The following EYS variants were observed in gnomAD, a reference collection of about 807,000 sequenced individuals.
EYS encodes the protein protein eyes shut homolog.
A neutral mutation model predicts 282.1 loss-of-function variants in EYS; 250 were observed. The ratio of observed to expected loss-of-function variants is 0.89; its 90% CI spans 0.80 to 0.98. EYS has a LOEUF of 0.98. Among genes scored for constraint, EYS ranks in the 50% least tolerant of loss-of-function variants. The pLI is 0.00. For synonymous variants in EYS, 1,355 were observed against 1,282.9 expected (o/e 1.06, Z -1.20); for missense variants, 4,016 against 3,709.0 (o/e 1.08, Z -2.15).
In EYS at chr6:65,494,777, G is replaced by A. The variant is rs371915861; in HGVS notation, c.634C>T (p.Gln212Ter). The A allele has an allele frequency of 1.9e-6, 3 of 1,613,908 alleles. No individual in the cohort carries two copies. The highest frequency in any genetic ancestry group is 1.7e-6 in the Non-Finnish European group (2 of 1,179,998). ...TTAAAAGAACATGCATCAAGTTCCT[G>A]GCAGTATTTTCCAGAAAATGGAGGC... Reference protein sequence around the residue: ...CQPPFSGKYCQELDACSFKPC... With the variant: ...CQPPFSGKYC The change falls in exon 4 of 43, where the codon CAG becomes TAG. Residue 212 changes from glutamine to a stop codon, truncating the protein, a stop_gained. Transcript: ENST00000503581. LOFTEE classifies it high-confidence loss of function.
At chr6:64,100,666 C>T (rs1772794588) in intron 31 of EYS, among the ~76,000 whole-genome samples, 1 of 152,018 alleles carries the variant, frequency 6.6e-6, no homozygotes. Context: ...TTCCAAATAT[C>T]CTGACACTTT....
intron 2 of EYS, among the ~76,000 whole-genome samples, chr6:65,524,660 T>A (rs1235031716): frequency 6.6e-6 from 1 of 152,230 alleles, no homozygotes; most frequent in African/African-American, 2.4e-5. Flanking sequence ...GTGGTTTCAC[T>A]GCCACACTTC....
intron 29 of EYS, among the ~76,000 whole-genome samples, chr6:64,341,242 C>A (rs1007728021): frequency 5.3e-5 from 8 of 151,706 alleles, no homozygotes; most frequent in Admixed American, 1.3e-4. Flanking sequence ...ACCAAAAAGA[C>A]ACATTGAATC....
intron 30 of EYS, among the ~76,000 whole-genome samples, chr6:64,258,091 G>A (rs988923480): frequency 1.3e-5 from 2 of 151,978 alleles, no homozygotes. Context: ...AAGAAGCTAT[G>A]CGTATTCATT....
intron 33 of EYS, among the ~76,000 whole-genome samples, chr6:64,039,265 C>T (rs1770272353): frequency 6.6e-6 from 1 of 152,124 alleles, no homozygotes; most frequent in Non-Finnish European, 1.5e-5. Flanking sequence ...ATAAGAATTA[C>T]TTAGGTAAGT....
At chr6:64,694,815 A>C (rs1309888077) in intron 22 of EYS, among the ~76,000 whole-genome samples, 1 of 152,104 alleles carries the variant, frequency 6.6e-6, no homozygotes, top group East Asian at 1.9e-4. Context: ...GTTTTGACTC[A>C]GGCAGCAAAT....
Position 65,562,601 on chromosome 6 carries a change from T to C in EYS, c.-332-66608A>G, listed in dbSNP as rs145421148. Among the ~76,000 whole-genome samples, 168 of 152,178 alleles carry C rather than the reference T, an allele frequency of 1.1e-3. 1 individual carries two copies. The highest frequency in any genetic ancestry group is 5.0e-3 in the South Asian group (24 of 4,824). On this transcript the variant is annotated intron_variant, in intron 2 of 42. Transcript: ENST00000503581. Reference sequence around the variant, plus strand: ...ATAGCAAGACCCTGGAGATAGTTGGTCAGGGTGCTCAATTTCCCAAAATAT... The same window carrying C: ...ATAGCAAGACCCTGGAGATAGTTGGCCAGGGTGCTCAATTTCCCAAAATAT...
intron 9 of EYS, among the ~76,000 whole-genome samples, chr6:65,345,104 C>T (rs753444801): frequency 2.0e-5 from 3 of 151,436 alleles, no homozygotes; most frequent in Non-Finnish European, 3.0e-5. Flanking sequence ...ATCTCCCTAC[C>T]GTGTGAATAT....
intron 30 of EYS, among the ~76,000 whole-genome samples, chr6:64,246,921 T>C (rs1767041753): frequency 6.6e-6 from 1 of 152,298 alleles, no homozygotes; most frequent in South Asian, 2.1e-4. Flanking sequence ...AAAAACTTTA[T>C]TTTTGACTAA....
At chr6:64,956,665 A>C (rs1769713415) in intron 14 of EYS, among the ~76,000 whole-genome samples, 1 of 152,190 alleles carries the variant, frequency 6.6e-6, no homozygotes, top group Admixed American at 6.5e-5. Flanking sequence ...ATGAGAGGAA[A>C]ATTTTTGTAA....
At chr6:64,662,935 G>A (rs1769095174) in intron 22 of EYS, among the ~76,000 whole-genome samples, 1 of 152,074 alleles carries the variant, frequency 6.6e-6, no homozygotes, top group South Asian at 2.1e-4. Flanking sequence ...TTTCTGAAAG[G>A]AACCTAGACT....
At chr6:64,834,477 T>G (rs1188874618) in intron 19 of EYS, among the ~76,000 whole-genome samples, 2 of 151,866 alleles carry the variant, frequency 1.3e-5, no homozygotes, top group Non-Finnish European at 1.5e-5. Context: ...AAGCACACTT[T>G]AAAGACTAAG....
intron 36 of EYS, among the ~76,000 whole-genome samples, chr6:63,808,604 A>G (rs1770964678): frequency 6.6e-6 from 1 of 152,210 alleles, no homozygotes; most frequent in African/African-American, 2.4e-5. Context: ...ATGGTGTGAT[A>G]TTTAAACAGC....
rs140291399 is a variant in EYS at position 64,229,521 on chromosome 6, ATG to A, written c.6424+1069_6424+1070del. On this transcript the variant is annotated intron_variant, in intron 31 of 42. Coordinates refer to ENST00000503581, the MANE Select transcript of EYS (RefSeq NM_001142800.2). ...CTTTTCTCAAAATCAAGCCATAGTG[ATG>A]TATCTTCAGAGCATTTTATAGATAA... Among the ~76,000 whole-genome samples the A allele has an allele frequency of 6.2e-3, 937 of 152,320 alleles. 6 individuals carry two copies. The highest frequency in any genetic ancestry group is 0.022 in the African/African-American group (894 of 41,576).
intron 19 of EYS, among the ~76,000 whole-genome samples, chr6:64,884,718 T>C (rs1213868685): frequency 4.6e-5 from 7 of 151,648 alleles, no homozygotes; most frequent in Admixed American, 3.3e-4. Context: ...CATGTAACTT[T>C]CTTGAGGGGG....
At chr6:65,194,726 G>A (rs546399063) in intron 12 of EYS, among the ~76,000 whole-genome samples, 88 of 151,924 alleles carry the variant, frequency 5.8e-4, no homozygotes, top group Admixed American at 8.5e-4. Context: ...GGGTCCTCCC[G>A]ACCCTAGAGA....
In EYS at chr6:64,175,476, C is replaced by T. The variant is rs142127075; in HGVS notation, c.6424+55116G>A. On this transcript the variant is annotated intron_variant, in intron 31 of 42. Transcript: ENST00000503581. ...AAGGATAAATTATTGCTTCATTTTG[C>T]CCAACTGCTTCGTGAGAGCGTACGT... 1.6e-3 allele frequency among the ~76,000 whole-genome samples: 239 copies of T among 152,280 alleles called. 2 individuals are homozygous for T. Among genetic ancestry groups the T allele is most frequent in the African/African-American group, 5.3e-3 (221 of 41,560 alleles).
At chr6:65,055,434 A>G (rs1773383359) in intron 13 of EYS, among the ~76,000 whole-genome samples, 1 of 152,076 alleles carries the variant, frequency 6.6e-6, no homozygotes, top group South Asian at 2.1e-4. Context: ...CTGTATTAAT[A>G]TCCTATGCTA....
chr6:64,266,101 A>T (rs563487482), intron 30 of EYS, among the ~76,000 whole-genome samples: 20 of 152,242 alleles, frequency 1.3e-4, no homozygotes, highest in Admixed American at 8.5e-4. Context: ...GAAGAGAATC[A>T]AGAGGGAGTT....
Sources: allele counts gnomAD v4.1 joint callset (sites outside exome capture counted in the v4.1 genomes callset), GRCh38; gene constraint gnomAD v4.1.1; transcripts MANE v1.5; gene names NCBI Gene and HGNC (gene_info 2026-07-23, HGNC 2026-07-21).